Variants in C2orf92 observed in about 807,000 individuals in gnomAD.
C2orf92 encodes the protein chromosome 2 open reading frame 92, also known as uncharacterized protein C2orf92.
intron 1 of C2orf92, chr2:97,674,174 T>A: frequency 3.9e-6 from 1 of 257,268 alleles, no homozygotes; most frequent in East Asian, 6.7e-5. Flanking sequence ...TGTGGCAGAA[T>A]GACAAGAGGA....
chr2:97,694,386 C>CT (rs1360185483), intron 5 of C2orf92: 1 of 150,838 alleles, frequency 6.6e-6, no homozygotes, highest in Non-Finnish European at 1.5e-5. Flanking sequence ...ACTACAGGGA[C>CT]TACAGGCACC....
At chr2:97,688,792 G>C (rs141779939) in intron 3 of C2orf92, 103 bp from the exon 4 acceptor site, 8 of 396,840 alleles carry the variant, frequency 2.0e-5, no homozygotes, top group Admixed American at 4.4e-5. Flanking sequence ...TGGCGTTTGC[G>C]TCATGTATTC....
At chr2:97,677,735 G>A (rs967510791) in intron 3 of C2orf92, 8 of 151,954 alleles carry the variant, frequency 5.3e-5, no homozygotes, top group African/African-American at 1.7e-4. Context: ...AGGAAACCTG[G>A]GAATTAAAAT....
chr2:97,678,062 TG>T (rs1208169655), intron 3 of C2orf92, among the ~76,000 whole-genome samples: 1 of 151,810 alleles, frequency 6.6e-6, no homozygotes, highest in African/African-American at 2.4e-5. Flanking sequence ...TAGCAGGGCG[TG>T]GTGGTGGGTG....
At chr2:97,688,867 T>C in intron 3 of C2orf92, 28 bp from the exon 4 acceptor site, 2 of 398,626 alleles carry the variant, frequency 5.0e-6, no homozygotes, top group Admixed American at 8.8e-5. Context: ...GTTGCTGTAT[T>C]AACATGCCTT....
At chr2:97,684,138 C>G (rs1675874491) in intron 3 of C2orf92, among the ~76,000 whole-genome samples, 1 of 151,620 alleles carries the variant, frequency 6.6e-6, no homozygotes, top group South Asian at 2.1e-4. Context: ...CAGGTTCACA[C>G]CATTCTCCTG....
upstream of C2orf92, chr2:97,663,967 A>G: frequency 1.1e-6 from 1 of 883,954 alleles, no homozygotes. Flanking sequence ...GAGGACCGGG[A>G]CGGCGGCGGC....
intron 3 of C2orf92, among the ~76,000 whole-genome samples, chr2:97,679,334 G>T (rs1365197928): frequency 6.6e-6 from 1 of 152,158 alleles, no homozygotes; most frequent in Non-Finnish European, 1.5e-5. Flanking sequence ...TATAAAGATA[G>T]ACTCTGTAAT....
chr2:97,664,728 C>A (rs1269413469), upstream of C2orf92: 1 of 151,898 alleles, frequency 6.6e-6, no homozygotes, highest in East Asian at 1.9e-4. Flanking sequence ...CACCGCGCAA[C>A]GCTAGCTAAT....
intron 3 of C2orf92, among the ~76,000 whole-genome samples, chr2:97,681,106 CAAAAA>C (rs58856044): frequency 4.2e-4 from 5 of 11,968 alleles, no homozygotes; most frequent in Non-Finnish European, 7.4e-4. Context: ...GACTCCATCT[CAAAAA>C]AAAAAAAAAA....
At chr2:97,686,480 C>T (rs1030823977) in intron 3 of C2orf92, among the ~76,000 whole-genome samples, 2 of 151,864 alleles carry the variant, frequency 1.3e-5, no homozygotes, top group Non-Finnish European at 2.9e-5. Flanking sequence ...AGTGCAATGG[C>T]GCGATATCAG....
chr2:97,668,644 A>C (rs942759066), upstream of C2orf92: 1 of 152,308 alleles, frequency 6.6e-6, no homozygotes, highest in African/African-American at 2.4e-5. Context: ...GTCCACTTCT[A>C]TGCAGATTAT....
intron 3 of C2orf92, among the ~76,000 whole-genome samples, chr2:97,682,236 G>C (rs1025987531): frequency 1.3e-5 from 2 of 152,112 alleles, no homozygotes; most frequent in African/African-American, 4.8e-5. Flanking sequence ...ATTCCTGGAA[G>C]CACACGAACT....
chr2:97,697,535 C>T (rs1676350419), intron 5 of C2orf92, among the ~76,000 whole-genome samples: 1 of 152,164 alleles, frequency 6.6e-6, no homozygotes, highest in African/African-American at 2.4e-5. Flanking sequence ...TGACATGTTG[C>T]ATTTCAAAAG....
intron 3 of C2orf92, among the ~76,000 whole-genome samples, chr2:97,677,207 T>C (rs1179237201): frequency 1.3e-5 from 2 of 152,130 alleles, no homozygotes; most frequent in Admixed American, 1.3e-4. Context: ...GGGTGGGCAA[T>C]AGAGACCTGT....
chr2:97,694,995 G>T (rs558145782), intron 5 of C2orf92, among the ~76,000 whole-genome samples: 2 of 152,272 alleles, frequency 1.3e-5, no homozygotes, highest in South Asian at 4.1e-4. Flanking sequence ...TTTTGAATCA[G>T]TTGTTTGTAT....
At chr2:97,665,679 A>G (rs1216046635), upstream of C2orf92, 1 of 147,424 alleles carries the variant, frequency 6.8e-6, no homozygotes, top group Non-Finnish European at 1.5e-5. Flanking sequence ...ATGCATAAAT[A>G]CATCAAAGCA....
upstream of C2orf92, chr2:97,669,536 G>A: frequency 2.8e-6 from 1 of 360,404 alleles, no homozygotes; most frequent in Non-Finnish European, 4.9e-6. Flanking sequence ...GGACATGCAG[G>A]ATGGAGGAAG....
chr2:97,684,018 C>T (rs575279865), intron 3 of C2orf92, among the ~76,000 whole-genome samples: 2 of 147,002 alleles, frequency 1.4e-5, no homozygotes, highest in South Asian at 2.1e-4. Context: ...GTATGCGCCA[C>T]CATGCCCAGC....
Sources: allele counts gnomAD v4.1 joint callset (sites outside exome capture counted in the v4.1 genomes callset), GRCh38; gene constraint gnomAD v4.1.1; transcripts MANE v1.5; gene names NCBI Gene and HGNC (gene_info 2026-07-23, HGNC 2026-07-21).